CAPN7: variants seen among roughly 807,000 people sequenced by gnomAD.
CAPN7 encodes the protein calpain-7.
A neutral mutation model predicts 115.2 loss-of-function variants in CAPN7; 72 were observed. The ratio of observed to expected loss-of-function variants is 0.63; its 90% CI spans 0.52 to 0.76. The LOEUF is 0.76. Among genes scored for constraint, CAPN7 ranks in the 30% least tolerant of loss-of-function variants. CAPN7 has a pLI of 0.00. For synonymous variants in CAPN7, 344 were observed against 322.3 expected, an observed-to-expected ratio of 1.07 and a Z score of -0.72; for missense variants, 905 against 971.5, an observed-to-expected ratio of 0.93 and a Z score of 0.91.
At chr3:15,240,405 AT>A in intron 12 of CAPN7, 67 bp from the exon 13 acceptor site, 1 of 1,387,360 alleles carries the variant, frequency 7.2e-7, no homozygotes, top group Non-Finnish European at 1.0e-6. Flanking sequence ...TCATCCTCTA[AT>A]AAGAGAACTA....
rs1694837873 is a variant in CAPN7, at chr3:15,233,899, A to G, written c.1212A>G (p.Ile404Met). 6.2e-7 allele frequency: 1 copy of G among 1,606,184 alleles called. No homozygotes were observed. Among genetic ancestry groups the G allele is most frequent in the Non-Finnish European group, 8.5e-7 (1 of 1,173,752 alleles). The change falls in exon 11 of 21, where the codon ATA becomes ATG. Residue 404 changes from isoleucine to methionine, a missense_variant. Ile to Met is a conservative substitution (Grantham distance 10). Coordinates refer to ENST00000253693, the MANE Select transcript of CAPN7 (RefSeq NM_014296.3). ...ATCTTCATGCACTGACTGGCTGGAT[A>G]CCAGAAAGAATTGCTATGCATTCAG... The part of the protein sequence containing the change: ...NIDLHALTGW[I>M]PERIAMHSDS...
intron 9 of CAPN7, chr3:15,232,272 T>A (rs1272803832): frequency 2.7e-6 from 1 of 368,506 alleles, no homozygotes; most frequent in Non-Finnish European, 4.9e-6. Flanking sequence ...CAGTGATAGT[T>A]ACATGACATT....
intron 2 of CAPN7, 56 bp downstream of exon 2, chr3:15,212,268 C>A: frequency 1.1e-6 from 1 of 924,624 alleles, no homozygotes; most frequent in Non-Finnish European, 1.7e-6. Flanking sequence ...CCCATCATGT[C>A]TTTCCCCCAT....
At chr3:15,210,708 G>T (rs1262897184) in intron 1 of CAPN7, 1 of 1,033,488 alleles carries the variant, frequency 9.7e-7, no homozygotes, top group South Asian at 1.4e-5. Context: ...TGATCCTCCC[G>T]CCTCAGCCTC....
intron 9 of CAPN7, among the ~76,000 whole-genome samples, chr3:15,231,364 T>G (rs1040681740): frequency 9.2e-5 from 14 of 152,278 alleles, no homozygotes; most frequent in African/African-American, 3.4e-4. Flanking sequence ...TCTAGAATAC[T>G]CTCTGAGAGC....
At chr3:15,210,400 T>C (rs2044864168) in intron 1 of CAPN7, among the ~76,000 whole-genome samples, 1 of 152,154 alleles carries the variant, frequency 6.6e-6, no homozygotes, top group Admixed American at 6.5e-5. Context: ...GTTTATTGGA[T>C]TTAAGTGTAG....
intron 3 of CAPN7, 125 bp downstream of exon 3, chr3:15,217,707 A>G (rs1693720945): frequency 4.5e-6 from 3 of 671,542 alleles, no homozygotes; most frequent in Non-Finnish European, 6.8e-6. Flanking sequence ...TTTTAAATGT[A>G]ACAACTACTC....
At chr3:15,233,750 CT>C in intron 10 of CAPN7, 116 bp from the exon 11 acceptor site, 3 of 653,646 alleles carry the variant, frequency 4.6e-6, no homozygotes, top group Non-Finnish European at 8.1e-6. Context: ...AAACAACTAC[CT>C]TCTGATTTAT....
chr3:15,238,281 A>AT (rs1337760200), intron 12 of CAPN7, among the ~76,000 whole-genome samples: 1 of 151,254 alleles, frequency 6.6e-6, no homozygotes, highest in Non-Finnish European at 1.5e-5. Context: ...CGCCCGGCCA[A>AT]TTTTTTATAT....
At chr3:15,226,173 T>G (rs1477541924) in intron 6 of CAPN7, among the ~76,000 whole-genome samples, 2 of 152,064 alleles carry the variant, frequency 1.3e-5, no homozygotes, top group African/African-American at 2.4e-5. Flanking sequence ...TCTCCCAGAT[T>G]CAAGAGATTC....
Position 15,242,659 on chromosome 3 carries a change from G to C in CAPN7, c.1864+406G>C, listed in dbSNP as rs142446726. On this transcript the variant is annotated intron_variant, in intron 16 of 20. Transcript: ENST00000253693. ...TTTCATGCCCCAGCTTCTCACAGTT[G>C]ACATAGTTGCTACTCCAGAATACAC... 6.7e-3 allele frequency among the ~76,000 whole-genome samples: 1,019 copies of C among 152,162 alleles called. 19 individuals carry two copies. The highest frequency in any genetic ancestry group is 0.024 in the African/African-American group (980 of 41,514).
intron 7 of CAPN7, 63 bp from the exon 8 acceptor site, chr3:15,228,911 A>T (rs1363866399): frequency 1.6e-6 from 2 of 1,218,508 alleles, no homozygotes; most frequent in African/African-American, 3.0e-5. Flanking sequence ...CAATGTACGT[A>T]TATTGCGGTA....
In CAPN7 at chr3:15,232,597, T is replaced by G; in HGVS notation, c.1111T>G (p.Trp371Gly). The G allele has an allele frequency of 1.9e-6, 3 of 1,612,996 alleles. No individual in the cohort carries two copies. Among genetic ancestry groups the G allele is most frequent in the Non-Finnish European group, 1.7e-6 (2 of 1,179,448 alleles). Residue 371 changes from tryptophan (W) to glycine (G), a missense_variant, in exon 10 of 21, where the codon TGG becomes GGG. Physicochemically the swap from Trp to Gly is radical, Grantham distance 184. Around this residue, in one of 3 missense-constraint regions of CAPN7, gnomAD observed 620 missense variants for 703.4 expected, o/e 0.88. Coordinates refer to ENST00000253693, the MANE Select transcript of CAPN7 (RefSeq NM_014296.3). ...TTATTCCAACAACAAAAGTGAATTA[T>G]GGGTTTCTCTCATAGAAAAAGCATA... The part of the protein sequence containing the change: ...CSYSNNKSEL[W>G]VSLIEKAYMK...
At chr3:15,242,311 G>T (rs373851743) in intron 16 of CAPN7, 58 bp downstream of exon 16, 3 of 1,095,172 alleles carry the variant, frequency 2.7e-6, no homozygotes, top group Middle Eastern at 2.4e-4. Flanking sequence ...TTATTTATAT[G>T]ATTAAGTTGA....
rs143144514 is a variant in CAPN7 at position 15,210,839 on chromosome 3, A to C, written c.103-1265A>C. 69 of 1,289,592 alleles carry C rather than the reference A, an allele frequency of 5.4e-5. No individual in the cohort carries two copies. The East Asian group carries it at 3.4e-3, about 64-fold the overall frequency. 79.9% of individuals were successfully genotyped at this position (1,289,592 alleles called of 1,614,324 possible). ...AACTCCTGCTCAAACAACTGGATTC[A>C]AAAAGTGATGTTCAGTAGATGGCAT... is the stretch of plus-strand genomic sequence containing the variant. On this transcript the variant is annotated intron_variant, in intron 1 of 20. Coordinates refer to ENST00000253693, the MANE Select transcript of CAPN7 (RefSeq NM_014296.3).
intron 6 of CAPN7, among the ~76,000 whole-genome samples, chr3:15,225,762 G>A (rs1333317012): frequency 6.6e-6 from 1 of 152,222 alleles, no homozygotes; most frequent in Non-Finnish European, 1.5e-5. Flanking sequence ...AGTATCTGGT[G>A]TATAGTAGGT....
intron 12 of CAPN7, among the ~76,000 whole-genome samples, chr3:15,237,412 AT>A (rs1202360820): frequency 6.6e-6 from 1 of 151,686 alleles, no homozygotes; most frequent in Non-Finnish European, 1.5e-5. Flanking sequence ...CTGTCTTAAC[AT>A]TTCATTATAT....
Position 15,240,545 on chromosome 3 carries a change from G to A in CAPN7, c.1480G>A (p.Val494Ile), listed in dbSNP as rs1575231840. 5 of 1,613,176 alleles carry A rather than the reference G, an allele frequency of 3.1e-6. No homozygotes were observed. The highest frequency in any genetic ancestry group is 2.2e-5 in the East Asian group (1 of 44,804). Residue 494 changes from valine to isoleucine, a missense_variant, in exon 13 of 21, where the codon GTA becomes ATA. Transcript: ENST00000253693. ...RWKGRYSEND[V>I]KNWTPELQKY... ...GAAAGGAAGATACAGTGAAAATGAT[G>A]TAAAAAACTGGACTCCAGAGTTGCA...
Position 15,220,910 on chromosome 3 carries a change from G to T in CAPN7, c.567G>T (p.Gln189His). The T allele has an allele frequency of 6.2e-7, 1 of 1,614,092 alleles. No individual in the cohort carries two copies. The highest frequency in any genetic ancestry group is 8.5e-7 in the Non-Finnish European group (1 of 1,180,010). ...LGANPFLERP[Q>H]SFISPQSCDA... ...CTAATCCCTTCCTTGAAAGACCTCA[G>T]TCATTTATAAGTCCTCAGTCATGTG... The change falls in exon 5 of 21, where the codon CAG becomes CAT. Residue 189 changes from glutamine to histidine, a missense_variant. By Grantham distance (24) the Gln-to-His change is conservative (BLOSUM62 0). Around this residue, in one of 3 missense-constraint regions of CAPN7, gnomAD observed 271 missense variants for 239.6 expected, o/e 1.13. Coordinates refer to ENST00000253693, the MANE Select transcript of CAPN7 (RefSeq NM_014296.3).
Sources: allele counts gnomAD v4.1 joint callset (sites outside exome capture counted in the v4.1 genomes callset), GRCh38; gene constraint gnomAD v4.1.1; regional missense constraint gnomAD v4.1.1; transcripts MANE v1.5; gene names NCBI Gene and HGNC (gene_info 2026-07-23, HGNC 2026-07-21).